The following NDST4 variants were observed in gnomAD, a reference collection of about 807,000 sequenced individuals.
The protein encoded by NDST4 is N-deacetylase and N-sulfotransferase 4.
A neutral mutation model predicts 100.8 loss-of-function variants in NDST4; 63 were observed. The observed-to-expected ratio is 0.62, with a 90% CI of 0.51 to 0.77. The LOEUF is 0.77. Among genes scored for constraint, NDST4 ranks in the 30% least tolerant of loss-of-function variants. NDST4 has a pLI of 0.00. For missense variants in NDST4, 943 were observed against 1,018.4 expected, an observed-to-expected ratio of 0.93 and a Z score of 1.01; for synonymous variants, 377 against 361.8, an observed-to-expected ratio of 1.04 and a Z score of -0.48.
chr4:114,910,338 C>A (rs552333795), intron 6 of NDST4, among the ~76,000 whole-genome samples: 70 of 152,238 alleles, frequency 4.6e-4, no homozygotes, highest in African/African-American at 1.6e-3. Flanking sequence ...AAATGTACAT[C>A]TCTATTAAGG....
chr4:115,071,955 G>A (rs984044537), intron 2 of NDST4, among the ~76,000 whole-genome samples: 4 of 151,828 alleles, frequency 2.6e-5, no homozygotes, highest in Admixed American at 2.6e-4. Context: ...TTCATTAATA[G>A]GTCTGAGGGA....
intron 7 of NDST4, among the ~76,000 whole-genome samples, chr4:114,863,230 C>G (rs2126193709): frequency 6.6e-6 from 1 of 152,274 alleles, no homozygotes; most frequent in East Asian, 1.9e-4. Flanking sequence ...TTCTAAGCTT[C>G]AAAGCAACCT....
At chr4:115,020,322 G>T (rs564724260) in intron 2 of NDST4, among the ~76,000 whole-genome samples, 1 of 152,232 alleles carries the variant, frequency 6.6e-6, no homozygotes, top group South Asian at 2.1e-4. Context: ...TTGTTATATA[G>T]TTGCGGATAA....
At position 114,955,565 on chromosome 4, in the gene NDST4, T is replaced by A. The variant is rs558449171; in HGVS notation, c.1221+14865A>T. Among the ~76,000 whole-genome samples, 18 of 152,212 alleles carry A rather than the reference T, an allele frequency of 1.2e-4. No individual in the cohort carries two copies. The South Asian group carries it at 3.5e-3, about 30-fold the overall frequency. On this transcript the variant is annotated intron_variant, in intron 4 of 13. Transcript: ENST00000264363. ...GGCCAAGAGTGGAAATTAAAAGCAA[T>A]AAAGATGCTGCTGCCATAAATTAGT... is the stretch of plus-strand genomic sequence containing the variant.
intron 11 of NDST4, among the ~76,000 whole-genome samples, chr4:114,839,056 A>G (rs796584422): frequency 2.6e-5 from 4 of 152,314 alleles, no homozygotes; most frequent in African/African-American, 9.6e-5. Flanking sequence ...CCCATAAATC[A>G]CATGATGTCT....
intron 6 of NDST4, among the ~76,000 whole-genome samples, chr4:114,921,965 A>C (rs2126219313): frequency 6.7e-6 from 1 of 149,792 alleles, no homozygotes; most frequent in East Asian, 2.0e-4. Flanking sequence ...TTTTTTTCTG[A>C]CACAACATTA....
intron 6 of NDST4, among the ~76,000 whole-genome samples, chr4:114,892,493 G>C (rs918638745): frequency 6.6e-6 from 1 of 152,108 alleles, no homozygotes; most frequent in East Asian, 1.9e-4. Flanking sequence ...TTTTACCTAA[G>C]TAGCCAATAC....
At chr4:114,972,873 A>T (rs1367892069) in intron 3 of NDST4, among the ~76,000 whole-genome samples, 2 of 152,110 alleles carry the variant, frequency 1.3e-5, no homozygotes, top group Admixed American at 6.5e-5. Context: ...ATAGAAACAG[A>T]TGCATGACTG....
intron 4 of NDST4, among the ~76,000 whole-genome samples, chr4:114,953,535 A>G (rs535408647): frequency 3.2e-4 from 48 of 152,246 alleles, no homozygotes; most frequent in African/African-American, 1.2e-3. Context: ...CCAAGAACAC[A>G]TCAGGAGCAC....
chr4:114,970,249 A>C (rs1456287896), intron 4 of NDST4, among the ~76,000 whole-genome samples, 181 bp downstream of exon 4: 1 of 152,192 alleles, frequency 6.6e-6, no homozygotes, highest in East Asian at 1.9e-4. Flanking sequence ...GGTCCTTTAC[A>C]TATACACACA....
In NDST4 at chr4:114,902,249, G is replaced by A. The variant is rs140429456; in HGVS notation, c.1537-31299C>T. ...TCCTTCTGTTTAAAAAAATTTTTTC[G>A]CACATGTCTAGTAAGGCAAGTCACT... On this transcript the variant is annotated intron_variant, in intron 6 of 13. Coordinates refer to ENST00000264363, the MANE Select transcript of NDST4 (RefSeq NM_022569.3). Among the ~76,000 whole-genome samples the A allele has an allele frequency of 1.5e-4, 23 of 151,222 alleles. No individual in the cohort carries two copies. The East Asian group carries it at 2.1e-3, about 14-fold the overall frequency.
chr4:114,937,535 G>T lies in NDST4; in HGVS notation c.1222-32C>A, dbSNP rs370735002. 38 of 1,486,108 alleles carry T rather than the reference G, an allele frequency of 2.6e-5. No homozygotes were observed. In the African/African-American group the frequency reaches 5.1e-4, roughly 20 times the overall value. 92.1% of individuals were successfully genotyped at this position (1,486,108 alleles called of 1,614,324 possible). Reference sequence around the variant, plus strand: ...CAAAGCCAGAACAACATCATGATGGGACAAGGCCAATTAATTCAGTGAAAA... The same window carrying T: ...CAAAGCCAGAACAACATCATGATGGTACAAGGCCAATTAATTCAGTGAAAA... On this transcript the variant is annotated intron_variant, in intron 4 of 13. Coordinates refer to ENST00000264363, the MANE Select transcript of NDST4 (RefSeq NM_022569.3).
intron 1 of NDST4, among the ~76,000 whole-genome samples, chr4:115,088,348 T>G (rs1729448635): frequency 6.6e-6 from 1 of 151,810 alleles, no homozygotes; most frequent in Admixed American, 6.6e-5. Context: ...CCACCTATTT[T>G]CTAGAACTTC....
chr4:114,939,425 A>G (rs1725700424), intron 4 of NDST4, among the ~76,000 whole-genome samples: 1 of 152,170 alleles, frequency 6.6e-6, no homozygotes, highest in African/African-American at 2.4e-5. Context: ...CACAATGTGA[A>G]AAGTGACAAA....
At chr4:115,081,972 TGTTCTAATAAATCTTTC>T (rs767051717) in intron 1 of NDST4, among the ~76,000 whole-genome samples, 1 of 152,178 alleles carries the variant, frequency 6.6e-6, no homozygotes, top group Non-Finnish European at 1.5e-5. Context: ...TGACTTTCCA[TGTTCTAATAAATCTTTC>T]GTTAAAAATT....
intron 10 of NDST4, among the ~76,000 whole-genome samples, chr4:114,840,654 TA>T (rs1490001412): frequency 2.0e-5 from 3 of 152,164 alleles, no homozygotes; most frequent in Non-Finnish European, 4.4e-5. Context: ...CTTCGTCATC[TA>T]AGGTAAGTTT....
At chr4:114,920,334 G>C (rs980897707) in intron 6 of NDST4, among the ~76,000 whole-genome samples, 1 of 152,104 alleles carries the variant, frequency 6.6e-6, no homozygotes, top group African/African-American at 2.4e-5. Context: ...GATTTCTTGA[G>C]CAAGTTAAGT....
At chr4:115,027,633 T>A (rs73848370) in intron 2 of NDST4, among the ~76,000 whole-genome samples, 4 of 152,276 alleles carry the variant, frequency 2.6e-5, no homozygotes, top group African/African-American at 9.6e-5. Flanking sequence ...CCTTGGAAGA[T>A]CCTTTATATC....
At chr4:115,073,480 A>T (rs1158934474) in intron 2 of NDST4, among the ~76,000 whole-genome samples, 1 of 152,044 alleles carries the variant, frequency 6.6e-6, no homozygotes, top group East Asian at 1.9e-4. Context: ...AATATCATTC[A>T]GACATTACAA....
Sources: gnomAD v4.1 joint callset for allele counts (sites outside exome capture counted in the v4.1 genomes callset) on GRCh38, gnomAD v4.1.1 for gene constraint, MANE v1.5 for transcripts, NCBI Gene and HGNC (gene_info 2026-07-23, HGNC 2026-07-21) for gene names.